The following SNAP25 variants were observed in gnomAD, a reference collection of about 807,000 sequenced individuals.
The protein encoded by SNAP25 is synaptosome associated protein 25.
In SNAP25, 3 loss-of-function variants were observed where a neutral mutation model predicts 28.7. That is an observed-to-expected ratio of 0.10 (90% CI 0.05 to 0.27). The LOEUF is 0.27. Ranked by LOEUF, SNAP25 falls within the 10% of genes least tolerant of loss-of-function variation. The pLI is 1.00. For missense variants in SNAP25, 117 were observed against 278.7 expected (o/e 0.42, Z 4.13); for synonymous variants, 61 against 88.1 (o/e 0.69, Z 1.72).
chr20:10,284,851 T>C (rs1190749456), intron 4 of SNAP25, 79 bp downstream of exon 4: 2 of 1,166,494 alleles, frequency 1.7e-6, no homozygotes, highest in East Asian at 2.3e-5. Context: ...CATACGCAGA[T>C]GGTCGCTTTG....
chr20:10,224,655 C>T (rs2062703161), intron 1 of SNAP25, among the ~76,000 whole-genome samples: 1 of 151,956 alleles, frequency 6.6e-6, no homozygotes, highest in Non-Finnish European at 1.5e-5. Flanking sequence ...TCCCTCATCC[C>T]AATCCTTATT....
chr20:10,281,942 C>T (rs780673665), intron 3 of SNAP25, among the ~76,000 whole-genome samples: 8 of 152,128 alleles, frequency 5.3e-5, no homozygotes, highest in Non-Finnish European at 8.8e-5. Flanking sequence ...GAAGCTGAGA[C>T]ACAGAACAGG....
At chr20:10,300,259 A>G (rs571070242) in intron 7 of SNAP25, among the ~76,000 whole-genome samples, 8 of 152,302 alleles carry the variant, frequency 5.3e-5, no homozygotes, top group African/African-American at 1.9e-4. Flanking sequence ...AAAGAGACCT[A>G]GGGCACCAAA....
chr20:10,292,737 G>A (rs771160300), intron 4 of SNAP25: 218 of 607,288 alleles, frequency 3.6e-4, no homozygotes, highest in Non-Finnish European at 5.5e-4. Context: ...GTAGGGCAGC[G>A]GTAGCAGTCT....
chr20:10,243,903 G>T (rs182930537), intron 1 of SNAP25, among the ~76,000 whole-genome samples: 1 of 151,980 alleles, frequency 6.6e-6, no homozygotes, highest in East Asian at 1.9e-4. Flanking sequence ...ACATTTTTAT[G>T]GCCACCAAAC....
intron 1 of SNAP25, among the ~76,000 whole-genome samples, chr20:10,222,157 G>A (rs2062646211): frequency 6.6e-6 from 1 of 152,168 alleles, no homozygotes; most frequent in African/African-American, 2.4e-5. Context: ...AAAATTTCAT[G>A]GTTTTGTCTT....
At chr20:10,250,794 T>G (rs1267467541) in intron 1 of SNAP25, among the ~76,000 whole-genome samples, 1 of 152,202 alleles carries the variant, frequency 6.6e-6, no homozygotes, top group African/African-American at 2.4e-5. Context: ...AATACCAGAT[T>G]ATTACTGTAC....
At chr20:10,249,228 C>T (rs539806152) in intron 1 of SNAP25, among the ~76,000 whole-genome samples, 23 of 152,314 alleles carry the variant, frequency 1.5e-4, no homozygotes, top group African/African-American at 4.3e-4. Flanking sequence ...ATTGCAGCCA[C>T]GCATTTGTTT....
Position 10,249,254 on chromosome 20 carries a change from C to G in SNAP25, c.-63-26175C>G, listed in dbSNP as rs528955815. 1.9e-3 allele frequency among the ~76,000 whole-genome samples: 287 copies of G among 152,236 alleles called. 1 individual carries two copies. Among genetic ancestry groups the G allele is most frequent in the African/African-American group, 6.5e-3 (269 of 41,546 alleles). On this transcript the variant is annotated intron_variant, in intron 1 of 7. Transcript: ENST00000254976. ...GCATTTGTTTGCTCATTCATTCAAT[C>G]CCTTGGCAAGGAGCCCTAGCTGGGA... is the stretch of plus-strand genomic sequence containing the variant.
intron 1 of SNAP25, among the ~76,000 whole-genome samples, chr20:10,257,997 G>A (rs572684018): frequency 2.0e-5 from 3 of 152,152 alleles, no homozygotes; most frequent in East Asian, 3.9e-4. Flanking sequence ...CCATAACTTG[G>A]AAATAAAGCA....
chr20:10,282,949 A>G (rs138700584), intron 3 of SNAP25, among the ~76,000 whole-genome samples: 1 of 152,334 alleles, frequency 6.6e-6, no homozygotes, highest in East Asian at 1.9e-4. Context: ...TTGCTACTCA[A>G]TGTATGTCCC....
At chr20:10,272,761 C>G (rs528278394) in intron 1 of SNAP25, among the ~76,000 whole-genome samples, 2 of 152,176 alleles carry the variant, frequency 1.3e-5, no homozygotes, top group Non-Finnish European at 2.9e-5. Context: ...GCTAACCTCA[C>G]ATAAACTTAC....
intron 1 of SNAP25, among the ~76,000 whole-genome samples, chr20:10,230,502 G>A (rs2062810716): frequency 6.6e-6 from 1 of 152,152 alleles, no homozygotes; most frequent in Admixed American, 6.5e-5. Flanking sequence ...GTGTTTAGCA[G>A]CATCAGCATC....
intron 1 of SNAP25, among the ~76,000 whole-genome samples, chr20:10,231,053 T>G (rs2062821013): frequency 6.6e-6 from 1 of 152,034 alleles, no homozygotes; most frequent in Non-Finnish European, 1.5e-5. Flanking sequence ...GCCCATAGCC[T>G]CTGAAGGATA....
chr20:10,260,724 A>ACACACACACACACACAAAC (rs1568597310), intron 1 of SNAP25, among the ~76,000 whole-genome samples: 5 of 78,414 alleles, frequency 6.4e-5, no homozygotes, highest in African/African-American at 2.1e-4. Context: ...CACACACACA[A>ACACACACACACACACAAAC]ACACACACAC....
chr20:10,285,804 G>A (rs1030532632), intron 4 of SNAP25, among the ~76,000 whole-genome samples: 1 of 152,046 alleles, frequency 6.6e-6, no homozygotes, highest in East Asian at 1.9e-4. Flanking sequence ...AAAATAAGAC[G>A]TCATCACAGA....
At chr20:10,285,505 T>C (rs2063858172) in intron 4 of SNAP25, among the ~76,000 whole-genome samples, 1 of 152,254 alleles carries the variant, frequency 6.6e-6, no homozygotes, top group Admixed American at 6.5e-5. Flanking sequence ...GATTCCGTTC[T>C]GAATTCTTAT....
At chr20:10,252,166 CAG>C (rs1467031429) in intron 1 of SNAP25, among the ~76,000 whole-genome samples, 1 of 152,178 alleles carries the variant, frequency 6.6e-6, no homozygotes, top group East Asian at 1.9e-4. Context: ...GCATAATTTC[CAG>C]AGTTAGCACA....
At chr20:10,284,644 A>G in intron 3 of SNAP25, 80 bp from the exon 4 acceptor site, 1 of 1,094,572 alleles carries the variant, frequency 9.1e-7, no homozygotes, top group Non-Finnish European at 1.4e-6. Flanking sequence ...TATAGGGCTA[A>G]TTGTCCCCTT....
Sources: gnomAD v4.1 joint callset for allele counts (sites outside exome capture counted in the v4.1 genomes callset) on GRCh38, gnomAD v4.1.1 for gene constraint, MANE v1.5 for transcripts, NCBI Gene and HGNC (gene_info 2026-07-23, HGNC 2026-07-21) for gene names.